Variants in TENM2 observed in about 807,000 individuals in gnomAD.
TENM2 encodes the protein teneurin transmembrane protein 2.
Under a neutral mutation model 245.2 loss-of-function variants are expected in TENM2, and 52 were observed. The ratio of observed to expected loss-of-function variants is 0.21; its 90% CI spans 0.17 to 0.27. TENM2 has a LOEUF of 0.27. Ranked by LOEUF, TENM2 falls within the 10% of genes least tolerant of loss-of-function variation. The pLI is 1.00. For missense variants in TENM2, 3,046 were observed against 3,666.8 expected, an observed-to-expected ratio of 0.83 and a Z score of 4.37; for synonymous variants, 1,363 against 1,438.9, an observed-to-expected ratio of 0.95 and a Z score of 1.19.
upstream of TENM2, among the ~76,000 whole-genome samples, chr5:167,282,808 T>C (rs1771133564): frequency 6.6e-6 from 1 of 152,102 alleles, no homozygotes; most frequent in African/African-American, 2.4e-5. Flanking sequence ...TTTGGGCATC[T>C]AGTAATTGCC....
chr5:167,879,211 G>T lies in TENM2; in HGVS notation c.712+3016G>T, dbSNP rs1773677762. Among the ~76,000 whole-genome samples, 3 of 152,166 alleles carry T rather than the reference G, an allele frequency of 2.0e-5. No individual in the cohort carries two copies. In the South Asian group the frequency reaches 6.2e-4, roughly 31 times the overall value. On this transcript the variant is annotated intron_variant, in intron 3 of 28. Transcript: ENST00000518659. ...TGGCTTGAGTGTCATTATTTTCTAT[G>T]ACAGTGGTGCATTCTTTAGTGAATG...
chr5:167,115,580 C>A, the TENM2 span, among the ~76,000 whole-genome samples: 5 of 152,314 alleles, frequency 3.3e-5, no homozygotes, highest in African/African-American at 1.2e-4. Flanking sequence ...TTCACCTCCT[C>A]AAAAGCTACG....
the TENM2 span, among the ~76,000 whole-genome samples, chr5:167,146,112 T>C: frequency 6.6e-6 from 1 of 152,116 alleles, no homozygotes; most frequent in Non-Finnish European, 1.5e-5. Flanking sequence ...AATTTGTCAG[T>C]GTACTTGGTA....
At chr5:167,448,982 T>C (rs1765391928) in intron 2 of TENM2, among the ~76,000 whole-genome samples, 1 of 152,072 alleles carries the variant, frequency 6.6e-6, no homozygotes, top group Non-Finnish European at 1.5e-5. Context: ...TTTTAACCTA[T>C]AAAGGAATTT....
chr5:167,068,070 C>A, the TENM2 span, among the ~76,000 whole-genome samples: 1 of 152,184 alleles, frequency 6.6e-6, no homozygotes, highest in Non-Finnish European at 1.5e-5. Flanking sequence ...GTGCATTGAA[C>A]AACCATAACT....
intron 2 of TENM2, among the ~76,000 whole-genome samples, chr5:167,476,180 G>T (rs560550771): frequency 2.6e-5 from 4 of 152,244 alleles, no homozygotes; most frequent in African/African-American, 7.2e-5. Context: ...GGTGATTATG[G>T]ATATTCTTAT....
the TENM2 span, among the ~76,000 whole-genome samples, chr5:167,271,740 A>G: frequency 6.6e-6 from 1 of 152,162 alleles, no homozygotes; most frequent in East Asian, 1.9e-4. Context: ...CAGATTCTAA[A>G]AGGCAGGAAC....
intron 8 of TENM2, among the ~76,000 whole-genome samples, chr5:168,093,059 G>A (rs1048965076): frequency 3.9e-5 from 6 of 152,192 alleles, no homozygotes; most frequent in Non-Finnish European, 8.8e-5. Flanking sequence ...GCCAGGAAAA[G>A]GTGAAATCAG....
intron 3 of TENM2, among the ~76,000 whole-genome samples, chr5:167,897,890 G>T (rs11951939): frequency 0.073 from 6,533 of 89,494 alleles, 619 homozygotes; most frequent in African/African-American, 0.18. Flanking sequence ...GTAGTAAATT[G>T]TTTTTTTTTT....
At chr5:167,726,334 C>T (rs1336696781) in intron 2 of TENM2, among the ~76,000 whole-genome samples, 1 of 152,104 alleles carries the variant, frequency 6.6e-6, no homozygotes, top group Non-Finnish European at 1.5e-5. Flanking sequence ...TCTAATTTCA[C>T]TGATTTCTAT....
intron 2 of TENM2, among the ~76,000 whole-genome samples, chr5:167,513,337 A>T (rs1770096607): frequency 6.6e-6 from 1 of 152,192 alleles, no homozygotes. Flanking sequence ...TAAAATATAG[A>T]ATATCATTTT....
intron 5 of TENM2, among the ~76,000 whole-genome samples, chr5:168,026,112 A>G (rs1013448549): frequency 2.0e-5 from 3 of 152,086 alleles, no homozygotes; most frequent in Non-Finnish European, 4.4e-5. Context: ...TGCTCTTCTC[A>G]AGGTATGATG....
the TENM2 span, among the ~76,000 whole-genome samples, chr5:167,221,649 A>T: frequency 1.3e-5 from 2 of 152,248 alleles, no homozygotes; most frequent in Non-Finnish European, 2.9e-5. Flanking sequence ...GTTTAATTTT[A>T]GCAAGGATGC....
chr5:167,946,822 A>C (rs1254541284), intron 3 of TENM2, among the ~76,000 whole-genome samples: 1 of 152,216 alleles, frequency 6.6e-6, no homozygotes, highest in Non-Finnish European at 1.5e-5. Flanking sequence ...TCCTAGGAGT[A>C]AGTGGGAATA....
At chr5:167,809,919 C>T (rs556616700) in intron 2 of TENM2, among the ~76,000 whole-genome samples, 4 of 152,148 alleles carry the variant, frequency 2.6e-5, no homozygotes, top group South Asian at 2.1e-4. Flanking sequence ...CATCTTGGTG[C>T]GCCATGCCAG....
In TENM2 at chr5:167,331,007, G is replaced by A. The variant is rs570529690; in HGVS notation, c.227-44191G>A. Among the ~76,000 whole-genome samples, 5 of 152,162 alleles carry A rather than the reference G, an allele frequency of 3.3e-5. No homozygotes were observed. The South Asian group carries it at 1.0e-3, about 32-fold the overall frequency. ...AATCCCAGCACTTTGGGAGGCCGAG[G>A]AGGGCAGAACATGAGGTCAGGAGTT... On this transcript the variant is annotated intron_variant, in intron 1 of 28. Transcript: ENST00000518659.
intron 1 of TENM2, among the ~76,000 whole-genome samples, chr5:167,367,851 T>C (rs1187567596): frequency 6.6e-6 from 1 of 152,146 alleles, no homozygotes; most frequent in Non-Finnish European, 1.5e-5. Context: ...CTTGATAACT[T>C]TCTATGGGCA....
intron 1 of TENM2, among the ~76,000 whole-genome samples, chr5:167,360,013 C>T (rs1411866130): frequency 6.6e-6 from 1 of 152,146 alleles, no homozygotes; most frequent in Non-Finnish European, 1.5e-5. Flanking sequence ...ACACTGGGGT[C>T]TACCTCAGGG....
chr5:167,898,944 G>A (rs1212664654), intron 3 of TENM2, among the ~76,000 whole-genome samples: 1 of 152,114 alleles, frequency 6.6e-6, no homozygotes, highest in Non-Finnish European at 1.5e-5. Flanking sequence ...TTGGCTCGAT[G>A]GTCATATCCA....
Sources: gnomAD v4.1 joint callset for allele counts (sites outside exome capture counted in the v4.1 genomes callset) on GRCh38, gnomAD v4.1.1 for gene constraint, MANE v1.5 for transcripts, NCBI Gene and HGNC (gene_info 2026-07-23, HGNC 2026-07-21) for gene names.